The following DCBLD2 variants were observed in gnomAD, a reference collection of about 807,000 sequenced individuals.
DCBLD2 encodes discoidin, CUB and LCCL domain-containing protein 2.
Under a neutral mutation model 86.8 loss-of-function variants are expected in DCBLD2, and 54 were observed. That is an observed-to-expected ratio of 0.62 (90% CI 0.50 to 0.78). The LOEUF is 0.78. Among genes scored for constraint, DCBLD2 ranks in the 30% least tolerant of loss-of-function variants. The pLI, the probability that DCBLD2 is intolerant of heterozygous loss-of-function variation, is 0.00. For missense variants in DCBLD2, 908 were observed against 954.2 expected (o/e 0.95, Z 0.64); for synonymous variants, 354 against 341.3 (o/e 1.04, Z -0.41).
chr3:98,817,819 C>T lies in DCBLD2; in HGVS notation c.1162G>A (p.Asp388Asn), dbSNP rs149988957. ...VSAYRILYSD[D>N]GQKWTVYREP... is the part of the protein sequence containing the mutation. Reference sequence around the variant, plus strand: ...CTGTACACAGTCCATTTCTGCCCATCATCACTGTACAGGATTCTGTAGGCA... The same window carrying T: ...CTGTACACAGTCCATTTCTGCCCATTATCACTGTACAGGATTCTGTAGGCA... The change falls in exon 9 of 16, where the codon GAT becomes AAT. Residue 388 changes from aspartate (D) to asparagine (N), a missense_variant. Around this residue, in one of 3 missense-constraint regions of DCBLD2, gnomAD observed 606 missense variants for 678.5 expected, o/e 0.89. Transcript: ENST00000326840. 1.3e-3 allele frequency: 2,084 copies of T among 1,613,708 alleles called. 3 individuals are homozygous for T. Among genetic ancestry groups the T allele is most frequent in the Admixed American group, 2.1e-3 (124 of 59,996 alleles).
In DCBLD2 at chr3:98,819,222, T is replaced by C. The variant is rs141370463; in HGVS notation, c.1067A>G (p.Asn356Ser). ...DEYQWLQIDL[N>S]KEKKITGIIT... ...TTAACCTGTTATTTTCTTTTCCTTA[T>C]TCAAATCTATTTGTAACCACTGGTA... The change falls in exon 8 of 16, where the codon AAT becomes AGT. Residue 356 changes from asparagine (N) to serine (S), a missense_variant. By Grantham distance (46) the Asn-to-Ser change is conservative. Around this residue, in one of 3 missense-constraint regions of DCBLD2, gnomAD observed 606 missense variants for 678.5 expected, o/e 0.89. Coordinates refer to ENST00000326840, the MANE Select transcript of DCBLD2 (RefSeq NM_080927.4). 1.5e-3 allele frequency: 2,437 copies of C among 1,579,804 alleles called. 1 individual carries two copies. The highest frequency in any genetic ancestry group is 6.1e-3 in the Admixed American group (329 of 53,858).
At chr3:98,817,458 G>A (rs908746494) in intron 9 of DCBLD2, among the ~76,000 whole-genome samples, 2 of 152,004 alleles carry the variant, frequency 1.3e-5, no homozygotes, top group African/African-American at 4.8e-5. Flanking sequence ...ATTGAAAAAA[G>A]CTTCATAAAA....
At chr3:98,849,794 T>C (rs1942800375) in intron 2 of DCBLD2, among the ~76,000 whole-genome samples, 196 bp from the exon 3 acceptor site, 1 of 152,080 alleles carries the variant, frequency 6.6e-6, no homozygotes, top group African/African-American at 2.4e-5. Flanking sequence ...ATTCAAATGA[T>C]TCAAAAGGAA....
intron 1 of DCBLD2, among the ~76,000 whole-genome samples, chr3:98,886,775 C>CA (rs1943569500): frequency 7.0e-6 from 1 of 142,624 alleles, no homozygotes; most frequent in South Asian, 2.3e-4. Context: ...AAGCCAGATA[C>CA]AAATTTTGAT....
chr3:98,845,332 C>A (rs980361119), intron 3 of DCBLD2, among the ~76,000 whole-genome samples: 7 of 152,144 alleles, frequency 4.6e-5, no homozygotes, highest in African/African-American at 1.7e-4. Context: ...TAGCTCAGAG[C>A]TTTACCCAAG....
chr3:98,805,256 T>C (rs1161058399), intron 13 of DCBLD2, among the ~76,000 whole-genome samples: 3 of 152,248 alleles, frequency 2.0e-5, no homozygotes, highest in African/African-American at 7.2e-5. Context: ...GAAAAGATAA[T>C]GAGTGTTGAA....
chr3:98,805,516 C>T (rs947974731), intron 13 of DCBLD2, among the ~76,000 whole-genome samples: 10 of 152,096 alleles, frequency 6.6e-5, no homozygotes, highest in South Asian at 2.1e-4. Context: ...TTATTCATTA[C>T]GTATAAAGTG....
chr3:98,820,381 A>AC, intron 6 of DCBLD2, 93 bp from the exon 7 acceptor site: 1 of 946,796 alleles, frequency 1.1e-6, no homozygotes, highest in Non-Finnish European at 1.5e-6. Flanking sequence ...GGTTCCCCCC[A>AC]CCCAATAAAA....
At chr3:98,846,573 A>G (rs1354948059) in intron 3 of DCBLD2, among the ~76,000 whole-genome samples, 1 of 152,230 alleles carries the variant, frequency 6.6e-6, no homozygotes, top group East Asian at 1.9e-4. Context: ...TGGGATAAAG[A>G]CAGGCAAAAA....
intron 3 of DCBLD2, among the ~76,000 whole-genome samples, chr3:98,836,571 C>A (rs62278514): frequency 0.25 from 30,214 of 122,670 alleles, 970 homozygotes; most frequent in Non-Finnish European, 0.26. Context: ...CACAAAGCCG[C>A]CATTGTCATC....
intron 13 of DCBLD2, among the ~76,000 whole-genome samples, chr3:98,807,045 C>T (rs947345052): frequency 3.3e-5 from 5 of 152,128 alleles, no homozygotes; most frequent in Middle Eastern, 3.2e-3. Context: ...GACAATATCA[C>T]CTCTTTGCTT....
chr3:98,830,441 A>G (rs898913185), intron 3 of DCBLD2, among the ~76,000 whole-genome samples: 6 of 152,226 alleles, frequency 3.9e-5, no homozygotes, highest in Admixed American at 2.0e-4. Flanking sequence ...GTCCAGCTTC[A>G]ATCTTCTGCA....
At chr3:98,841,266 C>T (rs1354508325) in intron 3 of DCBLD2, among the ~76,000 whole-genome samples, 5 of 152,182 alleles carry the variant, frequency 3.3e-5, no homozygotes, top group Non-Finnish European at 2.9e-5. Context: ...GCCTGAGGAA[C>T]GTCAGGTTTT....
chr3:98,844,395 T>C lies in DCBLD2; in HGVS notation c.571+5066A>G, dbSNP rs977246847. Reference sequence around the variant, plus strand: ...ATTTTGGGATAGAGTTTCATTCTTGTTGCCCAGGTTGGAGTGCAGTAATGC... The same window carrying C: ...ATTTTGGGATAGAGTTTCATTCTTGCTGCCCAGGTTGGAGTGCAGTAATGC... On this transcript the variant is annotated intron_variant, in intron 3 of 15. Transcript: ENST00000326840. 7.6e-4 allele frequency among the ~76,000 whole-genome samples: 109 copies of C among 143,334 alleles called. 1 individual carries two copies. The highest frequency in any genetic ancestry group is 2.7e-3 in the African/African-American group (106 of 39,052). The allele number at this position is 143,334 out of a possible 152,430, so 94.0% of individuals were successfully genotyped here. A position where few individuals can be genotyped will look rare whatever the true frequency, so the allele number is the denominator to read the frequency against.
intron 9 of DCBLD2, among the ~76,000 whole-genome samples, chr3:98,817,564 G>A (rs1051163543): frequency 2.2e-4 from 34 of 152,192 alleles, no homozygotes; most frequent in African/African-American, 7.5e-4. Flanking sequence ...AGTACTCACC[G>A]TTACAATCAC....
chr3:98,874,583 C>A (rs985018110), intron 2 of DCBLD2, among the ~76,000 whole-genome samples: 1 of 152,152 alleles, frequency 6.6e-6, no homozygotes, highest in Non-Finnish European at 1.5e-5. Flanking sequence ...CTATTATGGA[C>A]CAGATACTGG....
chr3:98,854,071 ACT>A (rs1282430275), intron 2 of DCBLD2, among the ~76,000 whole-genome samples: 2 of 152,170 alleles, frequency 1.3e-5, no homozygotes, highest in African/African-American at 2.4e-5. Context: ...ATTTACTGAA[ACT>A]CTGAATATCC....
intron 1 of DCBLD2, among the ~76,000 whole-genome samples, chr3:98,894,406 G>C (rs1285818336): frequency 6.6e-6 from 1 of 152,188 alleles, no homozygotes; most frequent in East Asian, 1.9e-4. Flanking sequence ...GCCTATTGAA[G>C]TCAGAAGCTG....
intron 2 of DCBLD2, among the ~76,000 whole-genome samples, chr3:98,863,318 C>G (rs1434841622): frequency 6.6e-6 from 1 of 152,172 alleles, no homozygotes. Flanking sequence ...AATGCCATCC[C>G]CATCAAGCTA....
Sources: gnomAD v4.1 joint callset for allele counts (sites outside exome capture counted in the v4.1 genomes callset) on GRCh38, gnomAD v4.1.1 for gene constraint, gnomAD v4.1.1 regional missense constraint, MANE v1.5 for transcripts, NCBI Gene and HGNC (gene_info 2026-07-23, HGNC 2026-07-21) for gene names.